CNTNAP5: variants seen among roughly 807,000 people sequenced by gnomAD.
The protein encoded by CNTNAP5 is contactin-associated protein-like 5.
In CNTNAP5, 72 loss-of-function variants were observed where a neutral mutation model predicts 150.2. That is an observed-to-expected ratio of 0.48 (90% CI 0.40 to 0.58). The LOEUF (loss-of-function observed/expected upper bound fraction) is 0.58. Ranked by LOEUF, CNTNAP5 falls within the 20% of genes least tolerant of loss-of-function variation. The pLI is 0.00. For missense variants in CNTNAP5, 1,636 were observed against 1,626.2 expected, an observed-to-expected ratio of 1.01 and a Z score of -0.10; for synonymous variants, 672 against 619.8, an observed-to-expected ratio of 1.08 and a Z score of -1.25.
chr2:124,800,338 A>G (rs750979186), intron 19 of CNTNAP5, among the ~76,000 whole-genome samples: 9 of 152,274 alleles, frequency 5.9e-5, no homozygotes, highest in Middle Eastern at 6.8e-3. Flanking sequence ...CAGACAGTGC[A>G]TAATGAATAT....
chr2:124,259,193 T>A (rs909384749), intron 3 of CNTNAP5, among the ~76,000 whole-genome samples: 1 of 152,296 alleles, frequency 6.6e-6, no homozygotes, highest in African/African-American at 2.4e-5. Flanking sequence ...GAACTCATCC[T>A]TTTTTACCGC....
At chr2:124,150,870 T>G (rs146031660) in intron 1 of CNTNAP5, among the ~76,000 whole-genome samples, 1 of 152,250 alleles carries the variant, frequency 6.6e-6, no homozygotes, top group African/African-American at 2.4e-5. Context: ...AGTATGGATA[T>G]TAGAGATTGT....
At chr2:124,900,902 T>C (rs1483852466) in intron 21 of CNTNAP5, among the ~76,000 whole-genome samples, 1 of 151,670 alleles carries the variant, frequency 6.6e-6, no homozygotes, top group Non-Finnish European at 1.5e-5. Context: ...GAATTGTATC[T>C]GGGTACAGTG....
At position 124,108,978 on chromosome 2, in the gene CNTNAP5, C is replaced by T. The variant is rs577329691; in HGVS notation, c.82+83246C>T. 3.3e-5 allele frequency among the ~76,000 whole-genome samples: 5 copies of T among 152,140 alleles called. No individual in the cohort carries two copies. In the South Asian group the frequency reaches 1.0e-3, roughly 32 times the overall value. On this transcript the variant is annotated intron_variant, in intron 1 of 23. Transcript: ENST00000682447. ...TTACTGAGACACTATCACATTGAAA[C>T]CCTAACATAAGAGCTTTCCAGAGAT... is the stretch of plus-strand genomic sequence containing the variant.
At chr2:124,701,814 T>C (rs1679527419) in intron 13 of CNTNAP5, among the ~76,000 whole-genome samples, 2 of 152,146 alleles carry the variant, frequency 1.3e-5, no homozygotes, top group African/African-American at 2.4e-5. Context: ...TATGTCTTCT[T>C]TGGTGAAGAA....
intron 13 of CNTNAP5, among the ~76,000 whole-genome samples, chr2:124,707,106 A>AGAG (rs1679689900): frequency 5.5e-5 from 7 of 127,730 alleles, no homozygotes; most frequent in Admixed American, 1.5e-4. Context: ...AAGAGGAAGA[A>AGAG]GAAGAGGAAG....
At chr2:124,440,267 A>T (rs1179020186) in intron 5 of CNTNAP5, among the ~76,000 whole-genome samples, 1 of 152,220 alleles carries the variant, frequency 6.6e-6, no homozygotes. Context: ...TGATGATCTG[A>T]TAGAGGCAGT....
At chr2:124,320,210 G>T (rs1009393482) in intron 3 of CNTNAP5, among the ~76,000 whole-genome samples, 1 of 152,140 alleles carries the variant, frequency 6.6e-6, no homozygotes, top group Non-Finnish European at 1.5e-5. Context: ...TTTCTACACT[G>T]TTAAGCATGT....
intron 3 of CNTNAP5, among the ~76,000 whole-genome samples, chr2:124,258,339 G>T (rs925956378): frequency 2.0e-5 from 3 of 152,144 alleles, no homozygotes; most frequent in Non-Finnish European, 2.9e-5. Context: ...GATCTGACAG[G>T]CATTTCAAAA....
intron 13 of CNTNAP5, among the ~76,000 whole-genome samples, chr2:124,703,212 C>T (rs72847309): frequency 0.19 from 28,249 of 147,528 alleles, 2,829 homozygotes; most frequent in Middle Eastern, 0.22. Flanking sequence ...CCTTCTCCCT[C>T]TCTTTCTTCT....
intron 11 of CNTNAP5, among the ~76,000 whole-genome samples, chr2:124,567,880 GATAT>G (rs750326921): frequency 1.3e-4 from 18 of 139,106 alleles, no homozygotes; most frequent in African/African-American, 4.6e-4. Context: ...TAGATAGATA[GATAT>G]AGATAGATAG....
intron 1 of CNTNAP5, among the ~76,000 whole-genome samples, chr2:124,124,573 A>C (rs928846466): frequency 6.6e-6 from 1 of 152,182 alleles, no homozygotes; most frequent in Non-Finnish European, 1.5e-5. Context: ...TGCCACAGAG[A>C]TACTCCTCAA....
intron 1 of CNTNAP5, among the ~76,000 whole-genome samples, chr2:124,102,823 A>G (rs1220554125): frequency 6.6e-6 from 1 of 152,214 alleles, no homozygotes; most frequent in Non-Finnish European, 1.5e-5. Flanking sequence ...AATGAGCTGA[A>G]TCAGGTAAAG....
intron 3 of CNTNAP5, among the ~76,000 whole-genome samples, chr2:124,279,041 T>C (rs1687952677): frequency 6.6e-6 from 1 of 152,176 alleles, no homozygotes; most frequent in Non-Finnish European, 1.5e-5. Context: ...TAGAGGACCA[T>C]GGGCTGCCAC....
At chr2:124,912,479 G>A (rs1678676894) in intron 23 of CNTNAP5, among the ~76,000 whole-genome samples, 1 of 152,070 alleles carries the variant, frequency 6.6e-6, no homozygotes, top group Non-Finnish European at 1.5e-5. Context: ...TGTTCTGAGG[G>A]AGGAGGTACA....
At chr2:124,138,616 C>T (rs1239568210) in intron 1 of CNTNAP5, among the ~76,000 whole-genome samples, 2 of 152,060 alleles carry the variant, frequency 1.3e-5, no homozygotes, top group Non-Finnish European at 2.9e-5. Context: ...TCTAGCATGG[C>T]CAGAGCATCT....
intron 3 of CNTNAP5, among the ~76,000 whole-genome samples, chr2:124,286,011 T>C (rs1476221673): frequency 1.3e-5 from 2 of 152,244 alleles, no homozygotes; most frequent in African/African-American, 2.4e-5. Flanking sequence ...ATATTTTCAT[T>C]GAGTCAATAC....
intron 1 of CNTNAP5, among the ~76,000 whole-genome samples, chr2:124,172,613 C>T (rs1307637427): frequency 2.0e-5 from 3 of 152,116 alleles, no homozygotes; most frequent in African/African-American, 7.2e-5. Context: ...AGGATCTCGC[C>T]ATGTTGCTCA....
chr2:124,256,925 C>G (rs1343956419), intron 3 of CNTNAP5, among the ~76,000 whole-genome samples: 1 of 152,074 alleles, frequency 6.6e-6, no homozygotes, highest in East Asian at 1.9e-4. Flanking sequence ...GATCTAAAGG[C>G]AAAATCATTC....
Sources: gnomAD v4.1 joint callset for allele counts (sites outside exome capture counted in the v4.1 genomes callset) on GRCh38, gnomAD v4.1.1 for gene constraint, MANE v1.5 for transcripts, NCBI Gene and HGNC (gene_info 2026-07-23, HGNC 2026-07-21) for gene names.